Variants in RORA observed in about 807,000 individuals in gnomAD.
The protein encoded by RORA is nuclear receptor ROR-alpha.
A neutral mutation model predicts 69.5 loss-of-function variants in RORA; 7 were observed. That is an observed-to-expected ratio of 0.10 (90% CI 0.06 to 0.19). The LOEUF is 0.19. Ranked by LOEUF, RORA falls within the 10% of genes least tolerant of loss-of-function variation. The probability of loss-of-function intolerance (pLI) is 1.00; values close to 1 mark genes in which losing one functional copy is unlikely to be tolerated. For synonymous variants in RORA, 261 were observed against 240.8 expected (o/e 1.08, Z -0.78); for missense variants, 457 against 663.0 (o/e 0.69, Z 3.41).
rs371417880 is a variant in RORA at position 61,096,650 on chromosome 15, T to C, written c.166+132403A>G. ...CAGGGATGAGACAAGAGCTGGATCTTCCTTGCACACAGCTGCCCGTGGAGC... is the reference window on the plus strand; with the variant it reads ...CAGGGATGAGACAAGAGCTGGATCTCCCTTGCACACAGCTGCCCGTGGAGC... On this transcript the variant is annotated intron_variant, in intron 1 of 10. Transcript: ENST00000335670. Among the ~76,000 whole-genome samples, 202 of 152,256 alleles carry C rather than the reference T, an allele frequency of 1.3e-3. 2 individuals carry two copies. The highest frequency in any genetic ancestry group is 0.01 in the Middle Eastern group (3 of 294).
chr15:60,625,986 C>T (rs1166733159), intron 2 of RORA, among the ~76,000 whole-genome samples: 2 of 152,140 alleles, frequency 1.3e-5, no homozygotes, highest in Non-Finnish European at 1.5e-5. Flanking sequence ...GGATGGGGGT[C>T]GACAAGTTGT....
intron 2 of RORA, among the ~76,000 whole-genome samples, chr15:60,558,710 A>G (rs1372012921): frequency 6.6e-6 from 1 of 152,206 alleles, no homozygotes; most frequent in Non-Finnish European, 1.5e-5. Flanking sequence ...TGGTTATGTG[A>G]ATATATTTAA....
chr15:60,701,656 G>A (rs970276788), intron 1 of RORA, among the ~76,000 whole-genome samples: 5 of 152,176 alleles, frequency 3.3e-5, no homozygotes, highest in African/African-American at 9.7e-5. Context: ...AGGCTCCGGG[G>A]AGTGCCCTGT....
intron 7 of RORA, 58 bp downstream of exon 7, chr15:60,503,477 A>G (rs1336679465): frequency 3.8e-6 from 6 of 1,574,804 alleles, no homozygotes; most frequent in Non-Finnish European, 5.2e-6. Context: ...CATTTCTTTA[A>G]TAAGCGGGTG....
chr15:60,820,955 C>T (rs927625376), intron 1 of RORA, among the ~76,000 whole-genome samples: 5 of 144,432 alleles, frequency 3.5e-5, no homozygotes, highest in Non-Finnish European at 6.1e-5. Context: ...TGATCTCTAA[C>T]CCCCACCCCC....
intron 1 of RORA, among the ~76,000 whole-genome samples, chr15:60,745,793 A>T (rs1291707972): frequency 6.6e-6 from 1 of 152,186 alleles, no homozygotes; most frequent in Non-Finnish European, 1.5e-5. Context: ...GCACAAGGAC[A>T]GGGACAGAGG....
At chr15:60,921,676 T>C (rs556670155) in intron 1 of RORA, among the ~76,000 whole-genome samples, 1 of 152,134 alleles carries the variant, frequency 6.6e-6, no homozygotes, top group Non-Finnish European at 1.5e-5. Flanking sequence ...TATGCTCCAA[T>C]ACAATTAAAG....
At chr15:60,818,920 T>A (rs951684864) in intron 1 of RORA, among the ~76,000 whole-genome samples, 14 of 152,210 alleles carry the variant, frequency 9.2e-5, no homozygotes, top group African/African-American at 2.9e-4. Flanking sequence ...TGCTGGACTT[T>A]TGCAAAACCA....
chr15:60,682,241 T>A (rs990309397), intron 1 of RORA: 1 of 152,224 alleles, frequency 6.6e-6, no homozygotes, highest in African/African-American at 2.4e-5. Context: ...GGTGAGCAAC[T>A]CACATAGTAT....
intron 1 of RORA, among the ~76,000 whole-genome samples, chr15:60,904,758 C>T (rs1891485481): frequency 6.6e-6 from 1 of 152,156 alleles, no homozygotes; most frequent in Non-Finnish European, 1.5e-5. Flanking sequence ...TCAACACGGG[C>T]TGCTATCCTG....
chr15:60,882,181 C>G (rs1417935534), intron 1 of RORA, among the ~76,000 whole-genome samples: 1 of 152,148 alleles, frequency 6.6e-6, no homozygotes, highest in African/African-American at 2.4e-5. Flanking sequence ...GTTGCAACCA[C>G]TAAAATTCAC....
chr15:61,137,097 A>G (rs146660802), intron 1 of RORA, among the ~76,000 whole-genome samples: 31 of 150,016 alleles, frequency 2.1e-4, no homozygotes, highest in African/African-American at 7.5e-4. Context: ...GAAAGAAAGA[A>G]AGAAAAAAGC....
At chr15:60,600,200 A>G (rs1395230279) in intron 2 of RORA, among the ~76,000 whole-genome samples, 1 of 152,162 alleles carries the variant, frequency 6.6e-6, no homozygotes, top group Admixed American at 6.5e-5. Context: ...GGTTTTCCCT[A>G]TTTTTGTCAT....
intron 1 of RORA, among the ~76,000 whole-genome samples, chr15:61,166,156 CT>C (rs35237119): frequency 0.037 from 5,557 of 150,304 alleles, 158 homozygotes; most frequent in Non-Finnish European, 0.054. Context: ...CCATCTTTCA[CT>C]TTTTTTTTTA....
chr15:61,180,094 A>T (rs990990234), intron 1 of RORA, among the ~76,000 whole-genome samples: 1 of 149,728 alleles, frequency 6.7e-6, no homozygotes, highest in Non-Finnish European at 1.5e-5. Flanking sequence ...CAGTGAGCCA[A>T]GATCATGCCA....
chr15:60,512,353 A>G lies in RORA; in HGVS notation c.425-732T>C, dbSNP rs114000939. ...CAGGCTGAAGTGCAGTGATGTGAACATGGCTCACTGCAGCCTCAACCTCCT... is the reference window on the plus strand; with the variant it reads ...CAGGCTGAAGTGCAGTGATGTGAACGTGGCTCACTGCAGCCTCAACCTCCT... On this transcript the variant is annotated intron_variant, in intron 4 of 10. Coordinates refer to ENST00000335670, the MANE Select transcript of RORA (RefSeq NM_134261.3). Among the ~76,000 whole-genome samples the G allele has an allele frequency of 6.6e-3, 1,002 of 152,250 alleles. 8 individuals are homozygous for G. The highest frequency in any genetic ancestry group is 0.023 in the African/African-American group (975 of 41,536).
intron 1 of RORA, among the ~76,000 whole-genome samples, chr15:61,153,606 C>A (rs1032211779): frequency 1.3e-5 from 2 of 152,150 alleles, no homozygotes; most frequent in Non-Finnish European, 2.9e-5. Context: ...TACAGGGCAT[C>A]GACTTGAATG....
At chr15:60,943,923 A>G (rs1214716771) in intron 1 of RORA, among the ~76,000 whole-genome samples, 1 of 146,966 alleles carries the variant, frequency 6.8e-6, no homozygotes. Flanking sequence ...CTCCAAAAAA[A>G]AAAAAAAAAA....
intron 1 of RORA, among the ~76,000 whole-genome samples, chr15:61,060,621 T>C (rs1412428229): frequency 1.3e-5 from 2 of 152,202 alleles, no homozygotes; most frequent in Non-Finnish European, 2.9e-5. Context: ...GGTGAGGTTC[T>C]AGCTTTCTCA....
Sources: allele counts gnomAD v4.1 joint callset (sites outside exome capture counted in the v4.1 genomes callset), GRCh38; gene constraint gnomAD v4.1.1; transcripts MANE v1.5; gene names NCBI Gene and HGNC (gene_info 2026-07-23, HGNC 2026-07-21).